The following DUSP16 variants were observed in gnomAD, a reference collection of about 807,000 sequenced individuals.
DUSP16 encodes the protein dual specificity phosphatase 16.
DUSP16 carries 21 observed loss-of-function variants against 58.3 expected under a neutral mutation model. The ratio of observed to expected loss-of-function variants is 0.36; its 90% confidence interval spans 0.26 to 0.52. DUSP16 has a LOEUF of 0.52. Ranked by LOEUF, DUSP16 falls within the 20% of genes least tolerant of loss-of-function variation. The probability of loss-of-function intolerance (pLI) is 0.94; values close to 1 mark genes in which losing one functional copy is unlikely to be tolerated. For synonymous variants in DUSP16, 320 were observed against 323.8 expected (o/e 0.99, Z 0.12); for missense variants, 726 against 819.0 (o/e 0.89, Z 1.39).
chr12:12,553,709 A>T (rs1050080758), intron 1 of DUSP16, among the ~76,000 whole-genome samples: 3 of 151,532 alleles, frequency 2.0e-5, no homozygotes, highest in Non-Finnish European at 2.9e-5. Flanking sequence ...CACCCAGCCA[A>T]TTTTTTGTAT....
At chr12:12,545,749 T>C (rs1239023942) in intron 1 of DUSP16, among the ~76,000 whole-genome samples, 2 of 152,198 alleles carry the variant, frequency 1.3e-5, no homozygotes, top group African/African-American at 4.8e-5. Flanking sequence ...AAACAAATCC[T>C]GGTCAAATCT....
intron 1 of DUSP16, among the ~76,000 whole-genome samples, chr12:12,524,843 G>A (rs544643936): frequency 2.6e-5 from 4 of 152,140 alleles, no homozygotes; most frequent in South Asian, 4.1e-4. Context: ...TAGTATGAAC[G>A]TGTACAGTTT....
intron 4 of DUSP16, among the ~76,000 whole-genome samples, chr12:12,498,704 C>G (rs1394128868): frequency 1.3e-5 from 2 of 152,144 alleles, no homozygotes; most frequent in African/African-American, 4.8e-5. Context: ...GTGTGTGAGC[C>G]ACAAATATAA....
chr12:12,540,944 C>CT lies in DUSP16; in HGVS notation c.-365-19482dup, dbSNP rs1199026965. Among the ~76,000 whole-genome samples, 531 of 100,556 alleles carry CT rather than the reference C, an allele frequency of 5.3e-3. 14 individuals are homozygous for CT. The highest frequency in any genetic ancestry group is 0.012 in the East Asian group (37 of 3,150). The allele number at this position is 100,556 out of a possible 152,430, so 66.0% of individuals were successfully genotyped here. On this transcript the variant is annotated intron_variant, in intron 1 of 6. Coordinates refer to ENST00000298573, the MANE Select transcript of DUSP16 (RefSeq NM_030640.3). ...CAGTTGCTTTTTTTTCTTTTCTTTT[C>CT]TTTTCTTTTTTTTTTTTTTTTTTTT...
At chr12:12,507,042 T>G (rs1944008207) in intron 3 of DUSP16, among the ~76,000 whole-genome samples, 1 of 152,148 alleles carries the variant, frequency 6.6e-6, no homozygotes, top group Non-Finnish European at 1.5e-5. Flanking sequence ...ACCATTCCAT[T>G]TTGGGGGGGA....
intron 1 of DUSP16, among the ~76,000 whole-genome samples, chr12:12,529,390 G>A (rs961554284): frequency 6.6e-5 from 10 of 152,166 alleles, no homozygotes; most frequent in African/African-American, 2.4e-4. Context: ...GATTACAGGC[G>A]TGAGCCACTG....
intron 5 of DUSP16, among the ~76,000 whole-genome samples, chr12:12,480,575 A>G (rs1943545676): frequency 6.6e-6 from 1 of 152,152 alleles, no homozygotes; most frequent in South Asian, 2.1e-4. Flanking sequence ...TTAATAAGCA[A>G]TTCGTTAATA....
In DUSP16 at chr12:12,476,912, T is replaced by A. The variant is rs1177217560; in HGVS notation, c.1919A>T (p.Asn640Ile). 1.9e-6 allele frequency: 3 copies of A among 1,613,914 alleles called. No individual in the cohort carries two copies. The African/African-American group carries it at 4.0e-5, about 22-fold the overall frequency. ...TTTCCCCAGCTCTTCCCGTGACCTGTTCTCTGACATGATGCTCTCTCCAAA... is the reference window on the plus strand; with the variant it reads ...TTTCCCCAGCTCTTCCCGTGACCTGATCTCTGACATGATGCTCTCTCCAAA... ...MEFGESIMSE[N>I]RSREELGKVG... The change falls in exon 7 of 7, where the codon AAC (asparagine) becomes ATC (isoleucine). Residue 640 changes from asparagine (N) to isoleucine (I), a missense_variant. By Grantham distance (149) the Asn-to-Ile change is moderately radical (BLOSUM62 -3). Transcript: ENST00000298573.
chr12:12,499,957 T>C (rs1383283323), intron 4 of DUSP16, among the ~76,000 whole-genome samples: 2 of 151,966 alleles, frequency 1.3e-5, no homozygotes, highest in East Asian at 3.9e-4. Context: ...TTTTCATCAA[T>C]AATCCATGCT....
chr12:12,513,867 C>A (rs1944111769), intron 3 of DUSP16, among the ~76,000 whole-genome samples: 1 of 152,084 alleles, frequency 6.6e-6, no homozygotes, highest in African/African-American at 2.4e-5. Context: ...ATATTTACTT[C>A]TAATCTGGCG....
chr12:12,528,830 A>G (rs1417975212), intron 1 of DUSP16, among the ~76,000 whole-genome samples: 1 of 148,142 alleles, frequency 6.8e-6, no homozygotes, highest in Non-Finnish European at 1.5e-5. Flanking sequence ...AACTAGGGAG[A>G]AAAAATAGAG....
chr12:12,559,213 T>C (rs1266734077), intron 1 of DUSP16, among the ~76,000 whole-genome samples: 3 of 152,270 alleles, frequency 2.0e-5, no homozygotes, highest in East Asian at 1.9e-4. Context: ...AAGACTTATT[T>C]TCCTAATTAT....
chr12:12,488,525 A>G (rs560125016), intron 4 of DUSP16, among the ~76,000 whole-genome samples: 3 of 152,186 alleles, frequency 2.0e-5, no homozygotes, highest in Non-Finnish European at 2.9e-5. Flanking sequence ...TTAGCAGGCA[A>G]GCCCACACAA....
At chr12:12,481,849 G>C (rs546338993) in intron 5 of DUSP16, among the ~76,000 whole-genome samples, 3 of 152,056 alleles carry the variant, frequency 2.0e-5, no homozygotes, top group African/African-American at 7.2e-5. Flanking sequence ...TTTACCCCAC[G>C]TTACTCTCAG....
At chr12:12,528,622 A>G (rs2136239180) in intron 1 of DUSP16, among the ~76,000 whole-genome samples, 1 of 152,292 alleles carries the variant, frequency 6.6e-6, no homozygotes, top group East Asian at 1.9e-4. Flanking sequence ...CTTATTTGGC[A>G]CCTAATATGT....
In DUSP16 at chr12:12,477,233, C is replaced by A. The variant is rs772446341; in HGVS notation, c.1598G>T (p.Gly533Val). The change falls in exon 7 of 7, where the codon GGC becomes GTC. Residue 533 changes from glycine (G) to valine (V), a missense_variant. Physicochemically the swap from Gly to Val is moderately radical, Grantham distance 109. Coordinates refer to ENST00000298573, the MANE Select transcript of DUSP16 (RefSeq NM_030640.3). The surrounding 1 kb of genome is among the most constrained non-coding windows in gnomAD (Gnocchi z 4.1). ...TSQQHLTKSA[G>V]LGLKGWHSDI... ...CGAGTGCCAGCCCTTAAGGCCCAGG[C>A]CAGCAGACTTCGTGAGGTGCTGCTG... 1 of 1,614,156 alleles carries A rather than the reference C, an allele frequency of 6.2e-7. No individual in the cohort carries two copies. Among genetic ancestry groups the A allele is most frequent in the Non-Finnish European group, 8.5e-7 (1 of 1,180,022 alleles).
Position 12,476,672 on chromosome 12 carries a change from A to AAGAG in DUSP16, c.*157_*160dup. ...AGCTGATCTCTCAAATGCAGATGTTAAGAGAGTAACAACTGGGTTGATCCA... is the reference window on the plus strand; with the variant it reads ...AGCTGATCTCTCAAATGCAGATGTTAAGAGAGAGAGTAACAACTGGGTTGATCCA... On this transcript the variant is annotated 3_prime_UTR_variant, in exon 7 of 7. Coordinates refer to ENST00000298573, the MANE Select transcript of DUSP16 (RefSeq NM_030640.3). The AAGAG allele has an allele frequency of 1.6e-6, 1 of 610,280 alleles. No homozygotes were observed. The highest frequency in any genetic ancestry group is 2.8e-6 in the Non-Finnish European group (1 of 358,556). 37.8% of individuals were successfully genotyped at this position (610,280 alleles called of 1,614,324 possible).
Position 12,475,675 on chromosome 12 carries a change from C to G in DUSP16, c.*1158G>C, listed in dbSNP as rs1478771045. On this transcript the variant is annotated 3_prime_UTR_variant, in exon 7 of 7. Transcript: ENST00000298573. The stretch of plus-strand genomic sequence containing the variant: ...TCGCATGCCGAGGGGATAAAAGCCA[C>G]TAAGGAAACAGGTTTCCTGCTTCTC... 3 of 152,222 alleles carry G rather than the reference C, an allele frequency of 2.0e-5. No individual in the cohort carries two copies. The highest frequency in any genetic ancestry group is 7.2e-5 in the African/African-American group (3 of 41,464). 9.4% of individuals were successfully genotyped at this position (152,222 alleles called of 1,614,324 possible). A position where few individuals can be genotyped will look rare whatever the true frequency, so the allele number is the denominator to read the frequency against.
intron 6 of DUSP16, 93 bp downstream of exon 6, chr12:12,480,130 T>C (rs559342984): frequency 6.7e-7 from 1 of 1,483,368 alleles, no homozygotes; most frequent in South Asian, 1.3e-5. Flanking sequence ...AAAATAATCA[T>C]GATCTGCTTT....
Sources: allele counts gnomAD v4.1 joint callset (sites outside exome capture counted in the v4.1 genomes callset), GRCh38; gene constraint gnomAD v4.1.1; non-coding constraint Gnocchi (gnomAD v3.1); transcripts MANE v1.5; gene names NCBI Gene and HGNC (gene_info 2026-07-23, HGNC 2026-07-21).